LRRC69: variants seen among roughly 807,000 people sequenced by gnomAD.
The protein encoded by LRRC69 is leucine rich repeat containing 69.
Under a neutral mutation model 37.8 loss-of-function variants are expected in LRRC69, and 42 were observed. That is an observed-to-expected ratio of 1.11 (90% CI 0.87 to 1.44). The LOEUF (loss-of-function observed/expected upper bound fraction) is 1.44, where lower values mean the gene tolerates loss of function less well. Ranked by LOEUF, LRRC69 falls within the 40% of genes most tolerant of loss-of-function variation. The probability of loss-of-function intolerance (pLI) is 0.00; values close to 1 mark genes in which losing one functional copy is unlikely to be tolerated. For synonymous variants in LRRC69, 141 were observed against 143.1 expected, an observed-to-expected ratio of 0.99 and a Z score of 0.11; for missense variants, 357 against 401.9, an observed-to-expected ratio of 0.89 and a Z score of 0.96.
intron 6 of LRRC69, among the ~76,000 whole-genome samples, chr8:91,195,008 G>A (rs1436406700): frequency 6.6e-6 from 1 of 152,208 alleles, no homozygotes; most frequent in Non-Finnish European, 1.5e-5. Context: ...TCTACACAGT[G>A]CTTTGCATGT....
At chr8:91,141,367 T>A (rs1808530455) in intron 5 of LRRC69, among the ~76,000 whole-genome samples, 1 of 152,128 alleles carries the variant, frequency 6.6e-6, no homozygotes, top group Admixed American at 6.6e-5. Context: ...ACTAGTTACA[T>A]CTGCAAAGAC....
chr8:91,157,615 G>T, intron 5 of LRRC69: 2 of 1,561,782 alleles, frequency 1.3e-6, no homozygotes, highest in Non-Finnish European at 1.8e-6. Context: ...TAAGGCAGAT[G>T]AAGACTTTCA....
intron 5 of LRRC69, among the ~76,000 whole-genome samples, chr8:91,144,029 G>A (rs1439762135): frequency 6.6e-6 from 1 of 151,830 alleles, no homozygotes; most frequent in Non-Finnish European, 1.5e-5. Context: ...CATAACATTT[G>A]GTGGTCAGTA....
At chr8:91,114,956 A>G (rs1408223202) in intron 1 of LRRC69, among the ~76,000 whole-genome samples, 1 of 152,054 alleles carries the variant, frequency 6.6e-6, no homozygotes, top group Non-Finnish European at 1.5e-5. Flanking sequence ...CAGAAAGACA[A>G]ATACTACATG....
chr8:91,155,491 CCTAT>C (rs1808817615), intron 5 of LRRC69, among the ~76,000 whole-genome samples: 1 of 150,834 alleles, frequency 6.6e-6, no homozygotes, highest in African/African-American at 2.4e-5. Flanking sequence ...CATTCAACAA[CCTAT>C]CTATTTGAAA....
intron 5 of LRRC69, chr8:91,158,118 C>G: frequency 6.4e-7 from 1 of 1,563,778 alleles, no homozygotes; most frequent in South Asian, 1.1e-5. Context: ...TTTATTCCAG[C>G]ATTACCAGGT....
intron 5 of LRRC69, among the ~76,000 whole-genome samples, chr8:91,173,099 C>T (rs1392614773): frequency 6.6e-6 from 1 of 151,928 alleles, no homozygotes; most frequent in Admixed American, 6.6e-5. Context: ...AGCACATCTC[C>T]TAACTAGGCT....
chr8:91,195,711 A>T (rs1344683840), intron 6 of LRRC69, among the ~76,000 whole-genome samples: 1 of 152,156 alleles, frequency 6.6e-6, no homozygotes, highest in African/African-American at 2.4e-5. Context: ...ATCTTCCTGC[A>T]TCCTTTTATT....
intron 1 of LRRC69, among the ~76,000 whole-genome samples, chr8:91,108,320 ATG>A (rs1813354855): frequency 6.6e-6 from 1 of 152,114 alleles, no homozygotes; most frequent in African/African-American, 2.4e-5. Context: ...ACAACTAGTT[ATG>A]TGTGTCTGCA....
At chr8:91,214,185 A>T (rs1047993074) in intron 7 of LRRC69, among the ~76,000 whole-genome samples, 1 of 152,068 alleles carries the variant, frequency 6.6e-6, no homozygotes, top group African/African-American at 2.4e-5. Context: ...TAAGGAAGGA[A>T]GGACAATATA....
intron 5 of LRRC69, among the ~76,000 whole-genome samples, chr8:91,188,404 G>C (rs1481007293): frequency 1.3e-5 from 2 of 152,128 alleles, no homozygotes; most frequent in Non-Finnish European, 2.9e-5. Context: ...ACTTCACCCA[G>C]GCTCACAAGA....
At chr8:91,151,022 T>C (rs1196749459) in intron 5 of LRRC69, among the ~76,000 whole-genome samples, 9 of 151,902 alleles carry the variant, frequency 5.9e-5, no homozygotes, top group Non-Finnish European at 1.5e-5. Flanking sequence ...TTTGTTGATC[T>C]TTTCAAAAAA....
chr8:91,214,897 C>T lies in LRRC69; in HGVS notation c.934-3993C>T, dbSNP rs564445947. 1.6e-4 allele frequency among the ~76,000 whole-genome samples: 24 copies of T among 151,756 alleles called. 2 individuals carry two copies. In the South Asian group the frequency reaches 3.3e-3, roughly 21 times the overall value. On this transcript the variant is annotated intron_variant, in intron 7 of 7. Coordinates refer to ENST00000448384, the Ensembl canonical transcript of LRRC69. Reference sequence around the variant, plus strand: ...AAGATTTTGCAGGCTGGGTTTCCATCTGGAGGCTCCTGGGGGGAACCATTT... The same window carrying T: ...AAGATTTTGCAGGCTGGGTTTCCATTTGGAGGCTCCTGGGGGGAACCATTT...
chr8:91,211,957 A>G (rs1323253226), intron 7 of LRRC69, among the ~76,000 whole-genome samples: 1 of 152,154 alleles, frequency 6.6e-6, no homozygotes, highest in East Asian at 1.9e-4. Flanking sequence ...TAATGAAATA[A>G]TGAGATGAGG....
intron 1 of LRRC69, 34 bp downstream of exon 1, chr8:91,102,878 A>G (rs2130466467): frequency 1.3e-6 from 2 of 1,508,254 alleles, no homozygotes; most frequent in Middle Eastern, 1.7e-4. Flanking sequence ...GTGGTTTGGT[A>G]TTGAAGATGG....
chr8:91,178,471 A>G (rs1020172740), intron 5 of LRRC69, among the ~76,000 whole-genome samples: 2 of 152,208 alleles, frequency 1.3e-5, no homozygotes, highest in African/African-American at 4.8e-5. Context: ...AAATTTTCCT[A>G]AATTTTCAGA....
chr8:91,157,589 C>T (rs1467153982), intron 5 of LRRC69: 2 of 1,543,626 alleles, frequency 1.3e-6, no homozygotes, highest in African/African-American at 2.7e-5. Context: ...TTTACAACTG[C>T]ACCTGATCAG....
At chr8:91,157,802 G>T (rs1808862860) in intron 5 of LRRC69, 2 of 1,607,654 alleles carry the variant, frequency 1.2e-6, no homozygotes, top group Admixed American at 1.7e-5. Context: ...AGTGGAATGG[G>T]ATTATTCCCC....
intron 3 of LRRC69, among the ~76,000 whole-genome samples, chr8:91,127,567 G>A (rs553994587): frequency 1.2e-4 from 10 of 80,104 alleles, no homozygotes; most frequent in Admixed American, 2.0e-4. Context: ...TGTCATTTTC[G>A]TTTTTAAAAA....
Sources: gnomAD v4.1 joint callset for allele counts (sites outside exome capture counted in the v4.1 genomes callset) on GRCh38, gnomAD v4.1.1 for gene constraint, MANE v1.5 for transcripts, NCBI Gene and HGNC (gene_info 2026-07-23, HGNC 2026-07-21) for gene names.